THSD7A: variants seen among roughly 807,000 people sequenced by gnomAD.
THSD7A encodes thrombospondin type-1 domain-containing protein 7A.
THSD7A carries 96 observed loss-of-function variants against 231.3 expected under a neutral mutation model. The ratio of observed to expected loss-of-function variants is 0.41; its 90% CI spans 0.35 to 0.49. THSD7A has a LOEUF of 0.49. THSD7A is among the 20% of genes least tolerant of loss of function. THSD7A has a pLI of 0.05. For synonymous variants in THSD7A, 940 were observed against 743.3 expected (o/e 1.26, Z -4.30); for missense variants, 2,290 against 2,070.2 (o/e 1.11, Z -2.06).
chr7:11,617,471 T>C (rs1285579132), intron 2 of THSD7A, among the ~76,000 whole-genome samples: 1 of 152,236 alleles, frequency 6.6e-6, no homozygotes, highest in East Asian at 1.9e-4. Context: ...CATTCAGCTT[T>C]ATTGTTGTAA....
intron 4 of THSD7A, among the ~76,000 whole-genome samples, chr7:11,549,454 TC>T (rs1789534697): frequency 6.6e-6 from 1 of 152,120 alleles, no homozygotes; most frequent in African/African-American, 2.4e-5. Context: ...ATATAAATCA[TC>T]CTATTATAAA....
intron 27 of THSD7A, 67 bp from the exon 28 acceptor site, chr7:11,375,945 C>CG (rs1362916580): frequency 1.2e-5 from 18 of 1,499,712 alleles, no homozygotes; most frequent in Admixed American, 9.0e-5. Context: ...TTGCTTTAAG[C>CG]GAAAAAAAAG....
At chr7:11,680,746 G>A (rs1783836201) in intron 1 of THSD7A, among the ~76,000 whole-genome samples, 1 of 152,122 alleles carries the variant, frequency 6.6e-6, no homozygotes, top group Non-Finnish European at 1.5e-5. Flanking sequence ...CTTTTACAGT[G>A]TCAGTGGGTG....
chr7:11,424,907 A>G (rs1176111623), intron 15 of THSD7A, 78 bp from the exon 16 acceptor site: 5 of 1,544,190 alleles, frequency 3.2e-6, no homozygotes, highest in Non-Finnish European at 4.4e-6. Context: ...CATAACAGCA[A>G]TCATTTCACT....
At chr7:11,494,490 A>G (rs986473164) in intron 6 of THSD7A, among the ~76,000 whole-genome samples, 1 of 152,028 alleles carries the variant, frequency 6.6e-6, no homozygotes, top group Non-Finnish European at 1.5e-5. Flanking sequence ...ATTCTTTTAC[A>G]ATGTTGCTTT....
At chr7:11,578,946 A>G (rs753555231) in intron 4 of THSD7A, among the ~76,000 whole-genome samples, 1 of 152,212 alleles carries the variant, frequency 6.6e-6, no homozygotes, top group South Asian at 2.1e-4. Flanking sequence ...CAACCAGTGC[A>G]TATAATTACA....
At position 11,576,128 on chromosome 7, in the gene THSD7A, G is replaced by T. The variant is rs13437651; in HGVS notation, c.1453+14332C>A. 2.1e-3 allele frequency among the ~76,000 whole-genome samples: 327 copies of T among 152,230 alleles called. 1 individual carries two copies. Among genetic ancestry groups the T allele is most frequent in the African/African-American group, 7.7e-3 (318 of 41,540 alleles). ...CACAGAATCTTATGATACACATTTT[G>T]TGCATCATCCTTGTTATATTCATTA... On this transcript the variant is annotated intron_variant, in intron 4 of 27. Coordinates refer to ENST00000423059, the MANE Select transcript of THSD7A (RefSeq NM_015204.3).
intron 23 of THSD7A, among the ~76,000 whole-genome samples, chr7:11,392,844 C>T (rs553781287): frequency 6.6e-6 from 1 of 152,344 alleles, no homozygotes; most frequent in African/African-American, 2.4e-5. Context: ...TTCCTTCTCC[C>T]TGAGCAGGGC....
chr7:11,460,696 T>C lies in THSD7A; in HGVS notation c.2571A>G (p.Ala857=), dbSNP rs763932637. Residue 857 remains alanine, a synonymous_variant, in exon 11 of 28, where the codon GCA becomes GCG. Transcript: ENST00000423059. ...PWSVQQDSPG[A]QEGCGPGRQA... ...GTCGCCCAGGCCCACAGCCTTCCTG[T>C]GCTCCAGGGCTGTCTTGTTGCACGC... 76 of 1,611,952 alleles carry C rather than the reference T, an allele frequency of 4.7e-5. No individual in the cohort carries two copies. Among genetic ancestry groups the C allele is most frequent in the Non-Finnish European group, 6.2e-5 (73 of 1,179,150 alleles).
At chr7:11,642,161 T>C (rs1360803172) in intron 1 of THSD7A, among the ~76,000 whole-genome samples, 1 of 152,200 alleles carries the variant, frequency 6.6e-6, no homozygotes, top group Non-Finnish European at 1.5e-5. Flanking sequence ...AATTACAATG[T>C]GACAGTGTGC....
chr7:11,582,782 C>A (rs1180045222), intron 4 of THSD7A, among the ~76,000 whole-genome samples: 1 of 152,054 alleles, frequency 6.6e-6, no homozygotes, highest in Non-Finnish European at 1.5e-5. Context: ...TTGCTAATTC[C>A]TTTGTAAATA....
intron 11 of THSD7A, among the ~76,000 whole-genome samples, chr7:11,453,408 G>A (rs746815456): frequency 6.6e-6 from 1 of 151,412 alleles, no homozygotes; most frequent in Non-Finnish European, 1.5e-5. Context: ...AGGGCCAGGA[G>A]GACCTCTCCT....
chr7:11,418,396 C>T (rs1784031979), intron 16 of THSD7A, among the ~76,000 whole-genome samples: 1 of 151,834 alleles, frequency 6.6e-6, no homozygotes, highest in Non-Finnish European at 1.5e-5. Context: ...TATCAGACTT[C>T]ACTTTTACCA....
intron 4 of THSD7A, among the ~76,000 whole-genome samples, chr7:11,557,652 T>C (rs1162281802): frequency 3.3e-5 from 5 of 152,174 alleles, no homozygotes; most frequent in Non-Finnish European, 7.3e-5. Context: ...GCCACATTGT[T>C]ACTGCAAGGT....
intron 3 of THSD7A, among the ~76,000 whole-genome samples, chr7:11,591,646 T>A (rs1011873921): frequency 6.6e-6 from 1 of 152,152 alleles, no homozygotes; most frequent in African/African-American, 2.4e-5. Context: ...TGTTTTTAAA[T>A]TTTATAAGTG....
chr7:11,659,562 T>G (rs1248683137), intron 1 of THSD7A, among the ~76,000 whole-genome samples: 1 of 151,462 alleles, frequency 6.6e-6, no homozygotes. Context: ...TAATAGATAT[T>G]ATTTTATTGT....
In THSD7A at chr7:11,413,555, TTC is replaced by T. The variant is rs372367248; in HGVS notation, c.3538-757_3538-756del. On this transcript the variant is annotated intron_variant, in intron 17 of 27. Coordinates refer to ENST00000423059, the MANE Select transcript of THSD7A (RefSeq NM_015204.3). ...GATCTAACCCACCTTCATCTCGCTTTTCTCTTAGTTATTCCTGGGTTTTCGGG... is the reference window on the plus strand; with the variant it reads ...GATCTAACCCACCTTCATCTCGCTTTTCTTAGTTATTCCTGGGTTTTCGGG... 4.8e-3 allele frequency among the ~76,000 whole-genome samples: 735 copies of T among 152,320 alleles called. 9 individuals are homozygous for T. The highest frequency in any genetic ancestry group is 0.022 in the South Asian group (105 of 4,818).
chr7:11,681,639 G>C (rs1034771414), intron 1 of THSD7A, among the ~76,000 whole-genome samples: 1 of 151,898 alleles, frequency 6.6e-6, no homozygotes, highest in African/African-American at 2.4e-5. Context: ...ACGACTCACT[G>C]ACATTCCCAA....
At chr7:11,508,264 T>G (rs374301598) in intron 6 of THSD7A, among the ~76,000 whole-genome samples, 4 of 152,270 alleles carry the variant, frequency 2.6e-5, no homozygotes, top group African/African-American at 9.6e-5. Context: ...GATTAAGGAC[T>G]AGATAGACAT....
Sources: allele counts gnomAD v4.1 joint callset (sites outside exome capture counted in the v4.1 genomes callset), GRCh38; gene constraint gnomAD v4.1.1; transcripts MANE v1.5; gene names NCBI Gene and HGNC (gene_info 2026-07-23, HGNC 2026-07-21).